Variants in TTN observed in about 807,000 individuals in gnomAD.
TTN encodes titin.
In TTN, 1,525 loss-of-function variants were observed where a neutral mutation model predicts 3,223.0. That is an observed-to-expected ratio of 0.47 (90% CI 0.45 to 0.49). The LOEUF is 0.49. TTN is among the 20% of genes least tolerant of loss of function. TTN has a pLI of 0.00. For synonymous variants in TTN, 14,094 were observed against 15,161.0 expected, an observed-to-expected ratio of 0.93 and a Z score of 5.17; for missense variants, 40,786 against 43,424.0, an observed-to-expected ratio of 0.94 and a Z score of 5.40.
chr2:178,565,392 C>A lies in TTN; in HGVS notation c.80740G>T (p.Val26914Phe). ...TGTTTAAGAGGCTCACCATCTTTGACCCAAGAAATGTTAGGTCTTGGTCGG... is the reference window on the plus strand; with the variant it reads ...TGTTTAAGAGGCTCACCATCTTTGAACCAAGAAATGTTAGGTCTTGGTCGG... Reference protein sequence around the residue: ...IGRPRPNISWVKDGEPLKQTT... With the variant: ...IGRPRPNISWFKDGEPLKQTT... Residue 26914 changes from valine (V) to phenylalanine (F), a missense_variant, in exon 326 of 363, where the codon GTC becomes TTC. Physicochemically the swap from Val to Phe is conservative, Grantham distance 50. Transcript: ENST00000589042. 2 of 1,613,514 alleles carry A rather than the reference C, an allele frequency of 1.2e-6. No individual in the cohort carries two copies. The highest frequency in any genetic ancestry group is 2.7e-5 in the African/African-American group (2 of 74,970).
rs747628626 is a variant in TTN at position 178,563,108 on chromosome 2, A to G, written c.83024T>C (p.Ile27675Thr). 7 of 1,613,574 alleles carry G rather than the reference A, an allele frequency of 4.3e-6. No individual in the cohort carries two copies. Among genetic ancestry groups the G allele is most frequent in the East Asian group, 4.5e-5 (2 of 44,862 alleles). ...CTTTCTGAGATCAGCATCGAGTTCT[A>G]TTTCTGGTGGCTCTATCCTCTCCTG... ...VAQERIEPPEIELDADLRKVV... is the reference protein window; with the variant it reads ...VAQERIEPPETELDADLRKVV... Residue 27675 changes from isoleucine to threonine, a missense_variant, in exon 326 of 363, where the codon ATA (isoleucine) becomes ACA (threonine). Ile to Thr is a moderately conservative substitution (Grantham distance 89). Transcript: ENST00000589042. This position sits in a 1 kb window ranked among gnomAD's most constrained non-coding sequence, Gnocchi z 4.5.
intron 102 of TTN, among the ~76,000 whole-genome samples, chr2:178,706,216 A>C (rs1459571840): frequency 6.6e-6 from 1 of 152,210 alleles, no homozygotes; most frequent in Non-Finnish European, 1.5e-5. Context: ...CCTGATGCAA[A>C]ATGGCATAGT....
At chr2:178,642,392 C>T in intron 218 of TTN, 75 bp from the exon 219 acceptor site, 2 of 1,323,862 alleles carry the variant, frequency 1.5e-6, no homozygotes, top group Non-Finnish European at 2.1e-6. Context: ...AATGTCTCTC[C>T]TAAAACTAGT....
chr2:178,696,486 T>G (rs1053949927), intron 113 of TTN, among the ~76,000 whole-genome samples: 1 of 151,682 alleles, frequency 6.6e-6, no homozygotes, highest in Non-Finnish European at 1.5e-5. Context: ...TTTTCCAGTA[T>G]GAAAAAATGG....
chr2:178,543,472 A>G lies in TTN; in HGVS notation c.96501T>C (p.Ser32167=), dbSNP rs139223781. ...AGTACATGGTTCCTTCTACAAGTCC[A>G]GAAATTCTGTAAAGTGTCTTGCTGC... ...TKCSKTLYRI[S]GLVEGTMYYF... The change falls in exon 347 of 363, where the codon TCT becomes TCC. Residue 32167 remains serine (S), a synonymous_variant. Coordinates refer to ENST00000589042, the MANE Select transcript of TTN (RefSeq NM_001267550.2). 5.0e-4 allele frequency: 802 copies of G among 1,613,822 alleles called. 9 individuals are homozygous for G. In the African/African-American group the frequency reaches 8.4e-3, roughly 17 times the overall value.
chr2:178,751,612 A>C, intron 47 of TTN: 1 of 1,613,272 alleles, frequency 6.2e-7, no homozygotes, highest in Non-Finnish European at 8.5e-7. Flanking sequence ...TTTGGATAAC[A>C]AGCAATGATG....
chr2:178,583,785 A>C lies in TTN; in HGVS notation c.65397T>G (p.Leu21799=), dbSNP rs768113987. The C allele has an allele frequency of 3.1e-6, 5 of 1,610,898 alleles. No individual in the cohort carries two copies. In the South Asian group the frequency reaches 5.5e-5, roughly 18 times the overall value. Residue 21799 remains leucine, a synonymous_variant, in exon 312 of 363, where the codon CTT becomes CTG. Transcript: ENST00000589042. ...IIGYFVEACK[L]PGDKWVRCNT... ...TGCACCGTACCCATTTATCACCAGG[A>C]AGTTTGCAAGCTTCTACGAAATAGC...
intron 148 of TTN, 59 bp downstream of exon 148, chr2:178,675,862 G>T (rs2067969758): frequency 1.3e-6 from 2 of 1,558,162 alleles, no homozygotes; most frequent in South Asian, 1.2e-5. Context: ...AGGACATTTT[G>T]ACTTTTATAG....
intron 47 of TTN, chr2:178,752,183 T>C: frequency 1.3e-6 from 1 of 747,332 alleles, no homozygotes; most frequent in Non-Finnish European, 2.1e-6. Context: ...CCATATTTGT[T>C]CGAATAAACG....
At position 178,530,239 on chromosome 2, in the gene TTN, AC is replaced by A. The variant is rs763404256; in HGVS notation, c.106374+1del. 1 of 1,589,542 alleles carries A rather than the reference AC, an allele frequency of 6.3e-7. No individual in the cohort carries two copies. The highest frequency in any genetic ancestry group is 1.4e-5 in the African/African-American group (1 of 73,510). ...AGAAAGAGACATTTAAGAACTGGTT[AC>A]CTTTCCATCTTTTGTCCAGATGGCA... On this transcript the variant is annotated splice_donor_variant, in intron 358 of 362. Transcript: ENST00000589042. LOFTEE classifies it high-confidence loss of function.
At chr2:178,688,377 A>C (rs1483538242) in intron 126 of TTN, among the ~76,000 whole-genome samples, 153 bp from the exon 127 acceptor site, 1 of 152,226 alleles carries the variant, frequency 6.6e-6, no homozygotes, top group Non-Finnish European at 1.5e-5. Context: ...AAGCTAATTT[A>C]AGATGAGGGC....
rs1239180284 is a variant in TTN, at chr2:178,664,079, C to A, written c.36300G>T (p.Glu12100Asp). The A allele has an allele frequency of 4.3e-6, 7 of 1,612,320 alleles. No individual in the cohort carries two copies. The highest frequency in any genetic ancestry group is 3.3e-5 in the Admixed American group (2 of 59,770). The change falls in exon 169 of 363, where the codon GAG (glutamate) becomes GAT (aspartate). Residue 12100 changes from glutamate to aspartate, a missense_variant. Coordinates refer to ENST00000589042, the MANE Select transcript of TTN (RefSeq NM_001267550.2). The stretch of plus-strand genomic sequence containing the variant: ...CCGACACTTTCTTTTCAGGGATAAT[C>A]TCTTTGGGAGCTTCGTGCACTTGAA... ...VPVKVHEAPKEIIPEKKVSVV... is the reference protein window; with the variant it reads ...VPVKVHEAPKDIIPEKKVSVV...
At chr2:178,747,220 C>A in intron 47 of TTN, 1 of 1,611,996 alleles carries the variant, frequency 6.2e-7, no homozygotes, top group Non-Finnish European at 8.5e-7. Flanking sequence ...TGGAGTATCT[C>A]TCTAGTGTCT....
Position 178,709,660 on chromosome 2 carries a change from G to A in TTN, c.28659C>T (p.Val9553=), listed in dbSNP as rs374053888. Residue 9553 remains valine, a synonymous_variant, in exon 99 of 363, where the codon GTC becomes GTT. Transcript: ENST00000589042. ...TFKNNTLVLQ[V]RKAGMNDAGL... ...CAGCGTCGTTCATGCCTGCTTTCCTGACTTGCAGCACTAACGTGTTGTTCT... is the reference window on the plus strand; with the variant it reads ...CAGCGTCGTTCATGCCTGCTTTCCTAACTTGCAGCACTAACGTGTTGTTCT... 2 of 1,613,892 alleles carry A rather than the reference G, an allele frequency of 1.2e-6. No individual in the cohort carries two copies. Among genetic ancestry groups the A allele is most frequent in the Non-Finnish European group, 1.7e-6 (2 of 1,179,818 alleles).
chr2:178,629,671 C>T (rs907996632), intron 239 of TTN, among the ~76,000 whole-genome samples: 1 of 152,092 alleles, frequency 6.6e-6, no homozygotes, highest in African/African-American at 2.4e-5. Context: ...ACAAGGTCAG[C>T]GAGAAATCTG....
chr2:178,787,091 AAAGT>A (rs140586190), intron 13 of TTN, among the ~76,000 whole-genome samples: 7,919 of 152,242 alleles, frequency 0.052, 340 homozygotes, highest in South Asian at 0.15. Context: ...GTGCATTTTA[AAAGT>A]AAGATTGGAA....
intron 43 of TTN, among the ~76,000 whole-genome samples, chr2:178,761,580 T>C (rs2089211217): frequency 6.6e-6 from 1 of 152,202 alleles, no homozygotes; most frequent in Non-Finnish European, 1.5e-5. Context: ...TATTTTTCAA[T>C]GCTCAGTTCA....
At chr2:178,640,962 C>T (rs1416149309) in intron 220 of TTN, among the ~76,000 whole-genome samples, 4 of 151,900 alleles carry the variant, frequency 2.6e-5, no homozygotes, top group African/African-American at 4.8e-5. Context: ...TGACACCCTC[C>T]CATGAATAGC....
In TTN at chr2:178,546,353, C is replaced by T; in HGVS notation, c.94978G>A (p.Glu31660Lys). ...TKGDKELDLC[E>K]KVSLQYTGKR... ...CCAGTATACTGCAAAGAGACTTTTT[C>T]ACAGAGATCTAGCTCCTTGTCTCCT... Residue 31660 changes from glutamate to lysine, a missense_variant, in exon 342 of 363, where the codon GAA becomes AAA. Physicochemically the swap from Glu to Lys is moderately conservative, Grantham distance 56. Transcript: ENST00000589042. 1 of 1,613,808 alleles carries T rather than the reference C, an allele frequency of 6.2e-7. No individual in the cohort carries two copies. The highest frequency in any genetic ancestry group is 1.1e-5 in the South Asian group (1 of 91,072).
Sources: allele counts gnomAD v4.1 joint callset (sites outside exome capture counted in the v4.1 genomes callset), GRCh38; gene constraint gnomAD v4.1.1; non-coding constraint Gnocchi (gnomAD v3.1); transcripts MANE v1.5; gene names NCBI Gene and HGNC (gene_info 2026-07-23, HGNC 2026-07-21).